BCKDHA: variants seen among roughly 807,000 people sequenced by gnomAD.
BCKDHA encodes the protein 2-oxoisovalerate dehydrogenase subunit alpha, mitochondrial.
Under a neutral mutation model 52.2 loss-of-function variants are expected in BCKDHA, and 43 were observed. The observed-to-expected ratio is 0.82, with a 90% CI of 0.64 to 1.06. The LOEUF is 1.06. BCKDHA is among the 50% of genes least tolerant of loss of function. The pLI, the probability that BCKDHA is intolerant of heterozygous loss-of-function variation, is 0.00. For synonymous variants in BCKDHA, 234 were observed against 247.9 expected, an observed-to-expected ratio of 0.94 and a Z score of 0.53; for missense variants, 527 against 621.3, an observed-to-expected ratio of 0.85 and a Z score of 1.61.
At chr19:41,420,525 G>A (rs1218385076) in intron 5 of BCKDHA, among the ~76,000 whole-genome samples, 3 of 152,274 alleles carry the variant, frequency 2.0e-5, no homozygotes, top group Non-Finnish European at 2.9e-5. Flanking sequence ...CTTGAACCTG[G>A]GAGGCAGAGT....
intron 5 of BCKDHA, 108 bp from the exon 6 acceptor site, chr19:41,422,055 TG>T: frequency 2.8e-6 from 3 of 1,074,038 alleles, no homozygotes; most frequent in Non-Finnish European, 4.2e-6. Flanking sequence ...CCTTGAAGCC[TG>T]GTGACTGCTG....
At chr19:41,421,266 A>G (rs748227843) in intron 5 of BCKDHA, among the ~76,000 whole-genome samples, 2 of 152,192 alleles carry the variant, frequency 1.3e-5, no homozygotes, top group Non-Finnish European at 2.9e-5. Flanking sequence ...AAAGCAACGC[A>G]AACCTCAGCC....
Position 41,410,665 on chromosome 19 carries a change from C to A in BCKDHA, c.137C>A (p.Ser46Ter), listed in dbSNP as rs376456598. The A allele has an allele frequency of 9.3e-6, 15 of 1,614,088 alleles. No individual in the cohort carries two copies. The highest frequency in any genetic ancestry group is 3.3e-5 in the Admixed American group (2 of 60,006). Reference protein sequence around the residue: ...SHPPRQQQQFSSLDDKPQFPG... With the variant: ...SHPPRQQQQF ...CCCCCCAGGCAGCAGCAGCAGTTTT[C>A]ATCTCTGGATGACAAGCCCCAGTTC... The change falls in exon 2 of 9, where the codon TCA becomes TAA. Residue 46 changes from serine to a stop codon, truncating the protein, a stop_gained. Transcript: ENST00000269980. LOFTEE classifies it high-confidence loss of function.
chr19:41,424,404 C>T (rs376342693), intron 8 of BCKDHA, 34 bp from the exon 9 acceptor site: 132 of 1,612,550 alleles, frequency 8.2e-5, no homozygotes, highest in Middle Eastern at 1.6e-4. Flanking sequence ...CATGGGAGGC[C>T]GGCTAGCCTG....
chr19:41,407,292 C>T (rs2039203950), intron 1 of BCKDHA, among the ~76,000 whole-genome samples: 1 of 152,136 alleles, frequency 6.6e-6, no homozygotes, highest in African/African-American at 2.4e-5. Context: ...AGTGTTTTTG[C>T]AGAGAGCCAC....
chr19:41,410,970 T>G lies in BCKDHA; in HGVS notation c.336T>G (p.Leu112=), dbSNP rs150700696. 2.6e-4 allele frequency: 412 copies of G among 1,614,094 alleles called. No homozygotes were observed. The highest frequency in any genetic ancestry group is 3.3e-4 in the Non-Finnish European group (388 of 1,180,020). ...VLKLYKSMTL[L]NTMDRILYES... is the part of the protein sequence containing the mutation. The stretch of plus-strand genomic sequence containing the variant: ...AGCTCTACAAGAGCATGACACTGCT[T>G]AACACCATGGACCGCATCCTCTATG... Residue 112 remains leucine (L), a synonymous_variant, in exon 3 of 9, where the codon CTT becomes CTG. Transcript: ENST00000269980.
chr19:41,414,574 C>G (rs1311691175), intron 4 of BCKDHA, among the ~76,000 whole-genome samples: 1 of 152,178 alleles, frequency 6.6e-6, no homozygotes, highest in Non-Finnish European at 1.5e-5. Flanking sequence ...CCCCTGGCCC[C>G]TCCTCAGGTG....
At chr19:41,422,092 T>C in intron 5 of BCKDHA, 72 bp from the exon 6 acceptor site, 1 of 1,459,520 alleles carries the variant, frequency 6.9e-7, no homozygotes, top group African/African-American at 1.4e-5. Flanking sequence ...GAGCCGTGGG[T>C]CATGTGAGTG....
chr19:41,409,574 G>A (rs958829635), intron 1 of BCKDHA, among the ~76,000 whole-genome samples: 1 of 151,924 alleles, frequency 6.6e-6, no homozygotes, highest in Non-Finnish European at 1.5e-5. Context: ...CAGGCGATAG[G>A]GAAAGAGACC....
chr19:41,401,626 C>T (rs2039139962), intron 1 of BCKDHA, among the ~76,000 whole-genome samples: 1 of 152,068 alleles, frequency 6.6e-6, no homozygotes, highest in Non-Finnish European at 1.5e-5. Context: ...TCATAGCAGA[C>T]GTTTTAGTGC....
At chr19:41,402,009 T>A (rs1054863388) in intron 1 of BCKDHA, among the ~76,000 whole-genome samples, 30 of 152,188 alleles carry the variant, frequency 2.0e-4, no homozygotes, top group African/African-American at 7.2e-4. Flanking sequence ...CAGTTCCACA[T>A]GGCTGGGGAA....
intron 1 of BCKDHA, among the ~76,000 whole-genome samples, chr19:41,407,574 G>A (rs1279810226): frequency 6.6e-6 from 1 of 152,186 alleles, no homozygotes; most frequent in Non-Finnish European, 1.5e-5. Context: ...CACAAGGGGA[G>A]GCCTGCAGTG....
chr19:41,423,300 G>A, intron 8 of BCKDHA, 131 bp downstream of exon 8: 1 of 1,412,660 alleles, frequency 7.1e-7, no homozygotes, highest in Non-Finnish European at 9.5e-7. Flanking sequence ...GGCCTGTGGA[G>A]CCAGGCTGCT....
chr19:41,422,279 C>T lies in BCKDHA; in HGVS notation c.762C>T (p.Ala254=), dbSNP rs1437359899. Residue 254 remains alanine, a synonymous_variant, in exon 6 of 9, where the codon GCC becomes GCT. Coordinates refer to ENST00000269980, the MANE Select transcript of BCKDHA (RefSeq NM_000709.4). ...GDAHAGFNFA[A]TLECPIIFFC... ...CCCATGCCGGCTTCAACTTCGCTGC[C>T]ACACTTGAGTGCCCCATCATCTTCT... 5 of 1,614,098 alleles carry T rather than the reference C, an allele frequency of 3.1e-6. No homozygotes were observed. Among genetic ancestry groups the T allele is most frequent in the Admixed American group, 3.3e-5 (2 of 60,010 alleles).
chr19:41,410,638 A>AC lies in BCKDHA; in HGVS notation c.117dup (p.Arg40GlnfsTer11), dbSNP rs398123489. 24 of 1,613,226 alleles carry AC rather than the reference A, an allele frequency of 1.5e-5. No homozygotes were observed. The highest frequency in any genetic ancestry group is 2.2e-5 in the East Asian group (1 of 44,860). ...GGTCTCCTCTGCTCTCTTCCCCAGCACCCCCCCAGGCAGCAGCAGCAGTTT... is the reference window on the plus strand; with the variant it reads ...GGTCTCCTCTGCTCTCTTCCCCAGCACCCCCCCCAGGCAGCAGCAGCAGTTT... On this transcript the variant is annotated frameshift_variant and splice_region_variant, in exon 2 of 9. Transcript: ENST00000269980. LOFTEE classifies it high-confidence loss of function.
At chr19:41,422,437 C>T (rs2039378004) in intron 6 of BCKDHA, 67 bp downstream of exon 6, 1 of 1,595,046 alleles carries the variant, frequency 6.3e-7, no homozygotes, top group Non-Finnish European at 8.6e-7. Context: ...ATCCTGCCAC[C>T]TTCCTGCCAC....
chr19:41,408,448 G>A (rs2039216938), intron 1 of BCKDHA, among the ~76,000 whole-genome samples: 1 of 152,136 alleles, frequency 6.6e-6, no homozygotes, highest in South Asian at 2.1e-4. Context: ...GGGAGCTATT[G>A]CAACGCCTCG....
intron 1 of BCKDHA, among the ~76,000 whole-genome samples, chr19:41,407,402 C>T (rs1443206782): frequency 6.6e-6 from 1 of 152,150 alleles, no homozygotes; most frequent in Non-Finnish European, 1.5e-5. Flanking sequence ...CTCTTGAGTG[C>T]CTGCTGTGAA....
At chr19:41,423,284 A>C in intron 8 of BCKDHA, 115 bp downstream of exon 8, 1 of 1,482,116 alleles carries the variant, frequency 6.7e-7, no homozygotes. Context: ...GTGATGTCTC[A>C]GATGTGGCCT....
Sources: gnomAD v4.1 joint callset for allele counts (sites outside exome capture counted in the v4.1 genomes callset) on GRCh38, gnomAD v4.1.1 for gene constraint, MANE v1.5 for transcripts, NCBI Gene and HGNC (gene_info 2026-07-23, HGNC 2026-07-21) for gene names.